PRKCA: variants seen among roughly 807,000 people sequenced by gnomAD.
The protein encoded by PRKCA is protein kinase C alpha type.
A neutral mutation model predicts 87.0 loss-of-function variants in PRKCA; 27 were observed. That is an observed-to-expected ratio of 0.31 (90% CI 0.23 to 0.43). The LOEUF is 0.43. Ranked by LOEUF, PRKCA falls within the 20% of genes least tolerant of loss-of-function variation. The pLI is 1.00. For missense variants in PRKCA, 518 were observed against 852.3 expected (o/e 0.61, Z 4.88); for synonymous variants, 329 against 311.1 (o/e 1.06, Z -0.61).
Position 66,563,017 on chromosome 17 carries a change from C to CT in PRKCA, c.288+66743dup, listed in dbSNP as rs545413354. 3.5e-3 allele frequency among the ~76,000 whole-genome samples: 528 copies of CT among 151,248 alleles called. 7 individuals are homozygous for CT. The highest frequency in any genetic ancestry group is 0.012 in the African/African-American group (510 of 41,208). On this transcript the variant is annotated intron_variant, in intron 3 of 16. Coordinates refer to ENST00000413366, the MANE Select transcript of PRKCA (RefSeq NM_002737.3). ...TGTAGCAGCTATTTCATCCTGTTAG[C>CT]TTTTTTTTTAAAAAGATATTTTTTA... is the stretch of plus-strand genomic sequence containing the variant.
chr17:66,565,413 G>A (rs1968858869), intron 3 of PRKCA, among the ~76,000 whole-genome samples: 1 of 152,196 alleles, frequency 6.6e-6, no homozygotes, highest in Admixed American at 6.5e-5. Flanking sequence ...CCAGCAGGGT[G>A]TCTGTGTTCT....
At chr17:66,652,788 G>A (rs1380499098) in intron 5 of PRKCA, among the ~76,000 whole-genome samples, 3 of 152,198 alleles carry the variant, frequency 2.0e-5, no homozygotes, top group Admixed American at 6.5e-5. Context: ...GGAAGCCCCT[G>A]CTGAAGCAGC....
chr17:66,709,193 G>A (rs1233948751), intron 8 of PRKCA, among the ~76,000 whole-genome samples: 1 of 151,778 alleles, frequency 6.6e-6, no homozygotes, highest in African/African-American at 2.4e-5. Flanking sequence ...TTCTCTCCTG[G>A]AAGCCACCTC....
chr17:66,475,941 G>T (rs1915518666), intron 2 of PRKCA, among the ~76,000 whole-genome samples: 1 of 152,112 alleles, frequency 6.6e-6, no homozygotes, highest in Non-Finnish European at 1.5e-5. Context: ...CTGTCGCCCA[G>T]GCTGGAACAC....
At chr17:66,374,042 T>C (rs1909266549) in intron 2 of PRKCA, among the ~76,000 whole-genome samples, 1 of 152,130 alleles carries the variant, frequency 6.6e-6, no homozygotes. Context: ...GGATCTCATG[T>C]TGGGGGCGGC....
chr17:66,771,399 A>G (rs758755592), intron 13 of PRKCA, among the ~76,000 whole-genome samples: 8 of 152,240 alleles, frequency 5.3e-5, no homozygotes, highest in Non-Finnish European at 1.5e-5. Flanking sequence ...AGAAATAGTC[A>G]AAGGTCTTGC....
At chr17:66,767,850 T>TAG (rs1457997153) in intron 13 of PRKCA, among the ~76,000 whole-genome samples, 1 of 152,286 alleles carries the variant, frequency 6.6e-6, no homozygotes, top group East Asian at 1.9e-4. Context: ...GGGGAGCACA[T>TAG]GGGCTGTTTG....
chr17:66,355,761 G>T (rs921360969), intron 2 of PRKCA, among the ~76,000 whole-genome samples: 5 of 152,168 alleles, frequency 3.3e-5, no homozygotes, highest in Non-Finnish European at 7.3e-5. Context: ...ATTCAGTGAT[G>T]ATTGGTACTG....
chr17:66,515,245 C>T (rs1319619022), intron 3 of PRKCA, among the ~76,000 whole-genome samples: 1 of 132,840 alleles, frequency 7.5e-6, no homozygotes, highest in Non-Finnish European at 1.5e-5. Context: ...GCACTCCAGC[C>T]TAGGTGACAG....
At chr17:66,506,499 T>C (rs1187406819) in intron 3 of PRKCA, among the ~76,000 whole-genome samples, 1 of 152,198 alleles carries the variant, frequency 6.6e-6, no homozygotes, top group Admixed American at 6.5e-5. Flanking sequence ...AAAGTATTCG[T>C]TGAACCAAAG....
chr17:66,628,081 T>C (rs918143439), intron 3 of PRKCA, among the ~76,000 whole-genome samples: 1 of 151,746 alleles, frequency 6.6e-6, no homozygotes, highest in Admixed American at 6.6e-5. Context: ...TTAGCTAAGA[T>C]GTAAAACTGG....
intron 2 of PRKCA, among the ~76,000 whole-genome samples, chr17:66,383,225 G>A (rs911287688): frequency 6.6e-6 from 1 of 152,142 alleles, no homozygotes; most frequent in African/African-American, 2.4e-5. Context: ...GGTAGTATTT[G>A]TAAGTTGTTC....
intron 2 of PRKCA, among the ~76,000 whole-genome samples, chr17:66,474,330 G>T (rs1915448160): frequency 6.6e-6 from 1 of 152,194 alleles, no homozygotes; most frequent in African/African-American, 2.4e-5. Context: ...AAAAATTGAT[G>T]GGGACCCTGG....
At chr17:66,770,464 AAAAC>A (rs1057472184) in intron 13 of PRKCA, among the ~76,000 whole-genome samples, 12 of 152,344 alleles carry the variant, frequency 7.9e-5, no homozygotes, top group African/African-American at 2.9e-4. Flanking sequence ...TAACTTCAAA[AAAAC>A]AAACGGAAAC....
At chr17:66,315,836 T>G (rs1366064051) in intron 2 of PRKCA, among the ~76,000 whole-genome samples, 1 of 152,206 alleles carries the variant, frequency 6.6e-6, no homozygotes, top group African/African-American at 2.4e-5. Context: ...TAGTGGGAGC[T>G]TATGGCCTGA....
At chr17:66,761,719 C>T (rs1035163140) in intron 13 of PRKCA, among the ~76,000 whole-genome samples, 7 of 151,954 alleles carry the variant, frequency 4.6e-5, no homozygotes, top group African/African-American at 9.7e-5. Context: ...CCACTGTGCC[C>T]GGCCAGTTTT....
chr17:66,356,982 C>T (rs1454907688), intron 2 of PRKCA, among the ~76,000 whole-genome samples: 1 of 152,190 alleles, frequency 6.6e-6, no homozygotes, highest in East Asian at 1.9e-4. Flanking sequence ...TGGTCTTGAA[C>T]TCCTGGGCTC....
intron 2 of PRKCA, among the ~76,000 whole-genome samples, chr17:66,431,786 C>T (rs1913110999): frequency 6.6e-6 from 1 of 152,134 alleles, no homozygotes; most frequent in Non-Finnish European, 1.5e-5. Flanking sequence ...CAGCTCTGTC[C>T]CTCTTCCGCA....
At chr17:66,602,838 G>T (rs1004010566) in intron 3 of PRKCA, among the ~76,000 whole-genome samples, 2 of 152,070 alleles carry the variant, frequency 1.3e-5, no homozygotes, top group Non-Finnish European at 2.9e-5. Flanking sequence ...TGTGCGCTGT[G>T]GGGGAGCCAT....
Sources: gnomAD v4.1 joint callset for allele counts (sites outside exome capture counted in the v4.1 genomes callset) on GRCh38, gnomAD v4.1.1 for gene constraint, MANE v1.5 for transcripts, NCBI Gene and HGNC (gene_info 2026-07-23, HGNC 2026-07-21) for gene names.